The following CACNA1A variants were observed in gnomAD, a reference collection of about 807,000 sequenced individuals.
CACNA1A encodes calcium voltage-gated channel subunit alpha1 A, also known as voltage-dependent P/Q-type calcium channel subunit alpha-1A.
In CACNA1A, 57 loss-of-function variants were observed where a neutral mutation model predicts 262.4. The ratio of observed to expected loss-of-function variants is 0.22; its 90% CI spans 0.18 to 0.27. The LOEUF (loss-of-function observed/expected upper bound fraction) is 0.27, where lower values mean the gene tolerates loss of function less well. Ranked by LOEUF, CACNA1A falls within the 10% of genes least tolerant of loss-of-function variation. CACNA1A has a pLI of 1.00. For synonymous variants in CACNA1A, 1,431 were observed against 1,419.3 expected, an observed-to-expected ratio of 1.01 and a Z score of -0.18; for missense variants, 2,526 against 3,562.8, an observed-to-expected ratio of 0.71 and a Z score of 7.41.
intron 3 of CACNA1A, among the ~76,000 whole-genome samples, chr19:13,424,013 G>A (rs1300385956): frequency 2.0e-5 from 3 of 152,106 alleles, no homozygotes; most frequent in African/African-American, 4.8e-5. Context: ...CCTTGCAAAT[G>A]TCACTGTTCT....
chr19:13,470,654 G>T (rs2061332664), intron 1 of CACNA1A, among the ~76,000 whole-genome samples: 1 of 152,094 alleles, frequency 6.6e-6, no homozygotes, highest in African/African-American at 2.4e-5. Context: ...TGGCATCCTG[G>T]TAGAGGCAGG....
At chr19:13,494,889 T>C (rs543949901) in intron 1 of CACNA1A, among the ~76,000 whole-genome samples, 1 of 152,092 alleles carries the variant, frequency 6.6e-6, no homozygotes, top group Admixed American at 6.6e-5. Context: ...TCCCATGACA[T>C]GTGGGTATTA....
chr19:13,371,185 G>C (rs908638551), intron 4 of CACNA1A: 1 of 152,610 alleles, frequency 6.6e-6, no homozygotes, highest in African/African-American at 2.4e-5. Flanking sequence ...ATGAAATAAG[G>C]TAATTCATGT....
intron 30 of CACNA1A, chr19:13,245,557 C>T (rs2056206714): frequency 2.4e-6 from 1 of 412,346 alleles, no homozygotes; most frequent in Admixed American, 3.8e-5. Flanking sequence ...GCCTGTCTCT[C>T]CAGCATTTTT....
chr19:13,461,146 C>T (rs2061114383), intron 1 of CACNA1A, among the ~76,000 whole-genome samples: 1 of 152,052 alleles, frequency 6.6e-6, no homozygotes, highest in Non-Finnish European at 1.5e-5. Flanking sequence ...TCGAGACCAG[C>T]CTGGCCAACA....
intron 1 of CACNA1A, among the ~76,000 whole-genome samples, chr19:13,457,853 CAA>C (rs775895393): frequency 4.3e-4 from 25 of 58,642 alleles, no homozygotes; most frequent in Non-Finnish European, 5.4e-4. Flanking sequence ...AACTCCGTTT[CAA>C]AAAAAAAAAA....
Position 13,235,000 on chromosome 19 carries a change from C to T in CACNA1A, c.5170G>A (p.Asp1724Asn), listed in dbSNP as rs371595464. 2.1e-5 allele frequency: 34 copies of T among 1,613,704 alleles called. No homozygotes were observed. In the African/African-American group the frequency reaches 3.1e-4, roughly 15 times the overall value. Residue 1724 changes from aspartate to asparagine, a missense_variant, in exon 34 of 47, where the codon GAC becomes AAC. Around this residue, in one of 17 missense-constraint regions of CACNA1A, gnomAD observed 17 missense variants for 16.5 expected, o/e 1.03. Coordinates refer to ENST00000360228, the MANE Select transcript of CACNA1A (RefSeq NM_001127222.2). ...ATTTGGAACTCATCTTCATCACTGT[C>T]CTCGTCCTCCACGTCGATGCCAATG... Reference protein sequence around the residue: ...GNIGIDVEDEDSDEDEFQITE... With the variant: ...GNIGIDVEDENSDEDEFQITE...
At chr19:13,338,175 A>C (rs555107678) in intron 6 of CACNA1A, among the ~76,000 whole-genome samples, 1 of 152,160 alleles carries the variant, frequency 6.6e-6, no homozygotes, top group Non-Finnish European at 1.5e-5. Flanking sequence ...AGATCACACC[A>C]CTGCACTCCA....
chr19:13,299,749 C>T (rs750444150), intron 18 of CACNA1A, among the ~76,000 whole-genome samples: 3 of 152,170 alleles, frequency 2.0e-5, no homozygotes, highest in Non-Finnish European at 4.4e-5. Context: ...CCCAGGCCCC[C>T]CAGTGGCTCC....
chr19:13,214,937 C>T lies in CACNA1A; in HGVS notation c.5732-329G>A. ...TAGGTTACTCTACCACTTAGTAACT[C>T]AGTTTCTCCATCTGTGAAATGGAGA... is the stretch of plus-strand genomic sequence containing the variant. On this transcript the variant is annotated intron_variant, in intron 38 of 46. Transcript: ENST00000360228. This position sits in a 1 kb window ranked among gnomAD's most constrained non-coding sequence, Gnocchi z 4.1. 3.5e-6 allele frequency: 1 copy of T among 283,760 alleles called. No homozygotes were observed. The highest frequency in any genetic ancestry group is 6.7e-6 in the Non-Finnish European group (1 of 148,682). The allele number at this position is 283,760 out of a possible 1,614,324, so 17.6% of individuals were successfully genotyped here.
intron 23 of CACNA1A, among the ~76,000 whole-genome samples, chr19:13,276,180 C>T (rs949097460): frequency 6.6e-6 from 1 of 152,322 alleles, no homozygotes; most frequent in East Asian, 1.9e-4. Context: ...CTTGCCGGCT[C>T]TTAGATCCAA....
intron 3 of CACNA1A, among the ~76,000 whole-genome samples, chr19:13,402,779 C>T (rs866955957): frequency 8.0e-6 from 1 of 124,458 alleles, no homozygotes; most frequent in East Asian, 2.1e-4. Flanking sequence ...CATATATATA[C>T]ATATATATAC....
rs573490831 is a variant in CACNA1A at position 13,266,269 on chromosome 19, C to T, written c.3990-3436G>A. On this transcript the variant is annotated intron_variant, in intron 24 of 46. Coordinates refer to ENST00000360228, the MANE Select transcript of CACNA1A (RefSeq NM_001127222.2). ...AATCTCAGGGGGGAGTGCAGTGGCA[C>T]GATCATAGCTCACCGCAGCCTCCAA... Among the ~76,000 whole-genome samples, 10 of 151,814 alleles carry T rather than the reference C, an allele frequency of 6.6e-5. No homozygotes were observed. In the South Asian group the frequency reaches 1.7e-3, roughly 25 times the overall value.
intron 27 of CACNA1A, chr19:13,258,875 A>G (rs749874946): frequency 1.3e-5 from 2 of 152,210 alleles, no homozygotes; most frequent in Non-Finnish European, 2.9e-5. Context: ...TTTTGCTCCA[A>G]TATTTTAAAA....
In CACNA1A at chr19:13,303,628, G is replaced by C; in HGVS notation, c.2105-15C>G. The C allele has an allele frequency of 6.2e-7, 1 of 1,611,592 alleles. No individual in the cohort carries two copies. The highest frequency in any genetic ancestry group is 1.3e-5 in the African/African-American group (1 of 74,954). On this transcript the variant is annotated splice_polypyrimidine_tract_variant and intron_variant, in intron 16 of 46. Coordinates refer to ENST00000360228, the MANE Select transcript of CACNA1A (RefSeq NM_001127222.2). ...CAGGAGGGTGTCTGCAAATGTCTGA[G>C]TCAGGAAAAGCAACCACTGGTGGGA... is the stretch of plus-strand genomic sequence containing the variant.
At chr19:13,336,416 A>G (rs1269630341) in intron 6 of CACNA1A, among the ~76,000 whole-genome samples, 1 of 152,128 alleles carries the variant, frequency 6.6e-6, no homozygotes, top group Non-Finnish European at 1.5e-5. Flanking sequence ...CTTAATGCCA[A>G]TCACAAAAAA....
At chr19:13,424,404 C>T (rs2060366535) in intron 3 of CACNA1A, among the ~76,000 whole-genome samples, 1 of 152,090 alleles carries the variant, frequency 6.6e-6, no homozygotes. Flanking sequence ...ACAGTCAATG[C>T]ATGCCAAGAA....
intron 1 of CACNA1A, among the ~76,000 whole-genome samples, chr19:13,503,684 T>A (rs1192716812): frequency 1.5e-5 from 2 of 129,326 alleles, no homozygotes; most frequent in African/African-American, 5.8e-5. Flanking sequence ...GAAAGCTCAG[T>A]CCTGGATGAC....
chr19:13,316,413 G>C (rs950136596), intron 11 of CACNA1A: 1 of 152,184 alleles, frequency 6.6e-6, no homozygotes, highest in Non-Finnish European at 1.5e-5. Flanking sequence ...TAGGCCCAGA[G>C]GGCAAAGCCT....
Sources: gnomAD v4.1 joint callset for allele counts (sites outside exome capture counted in the v4.1 genomes callset) on GRCh38, gnomAD v4.1.1 for gene constraint, gnomAD v4.1.1 regional missense constraint, Gnocchi (gnomAD v3.1) non-coding constraint, MANE v1.5 for transcripts, NCBI Gene and HGNC (gene_info 2026-07-23, HGNC 2026-07-21) for gene names.